The following EBF3 variants were observed in gnomAD, a reference collection of about 807,000 sequenced individuals.
The protein encoded by EBF3 is EBF transcription factor 3.
In EBF3, 18 loss-of-function variants were observed where a neutral mutation model predicts 77.1. The observed-to-expected ratio is 0.23, with a 90% CI of 0.16 to 0.35. EBF3 has a LOEUF of 0.35. EBF3 is among the 10% of genes least tolerant of loss of function. The pLI is 1.00. For missense variants in EBF3, 558 were observed against 860.0 expected, an observed-to-expected ratio of 0.65 and a Z score of 4.39; for synonymous variants, 350 against 343.5, an observed-to-expected ratio of 1.02 and a Z score of -0.21.
chr10:129,946,067 G>GT (rs1858196799), intron 6 of EBF3, among the ~76,000 whole-genome samples: 1 of 151,776 alleles, frequency 6.6e-6, no homozygotes, highest in African/African-American at 2.4e-5. Context: ...CACAGACAGG[G>GT]AGTAAGAGCA....
intron 14 of EBF3, 54 bp from the exon 15 acceptor site, chr10:129,840,496 G>A (rs979871925): frequency 1.2e-5 from 18 of 1,525,236 alleles, no homozygotes; most frequent in East Asian, 4.9e-5. Flanking sequence ...GCGCCACGGC[G>A]AGAGGGCACC....
At chr10:129,961,699 C>T (rs994197432) in intron 4 of EBF3, among the ~76,000 whole-genome samples, 1 of 152,020 alleles carries the variant, frequency 6.6e-6, no homozygotes, top group African/African-American at 2.4e-5. Context: ...ACACATTTAA[C>T]TTTTAAATCC....
chr10:129,909,860 G>A (rs747629205), intron 6 of EBF3, among the ~76,000 whole-genome samples: 6 of 152,304 alleles, frequency 3.9e-5, no homozygotes, highest in East Asian at 3.9e-4. Flanking sequence ...TGACCTCTGC[G>A]CTCTGGAAAC....
chr10:129,959,399 G>A (rs1383957351), intron 4 of EBF3, among the ~76,000 whole-genome samples: 1 of 152,088 alleles, frequency 6.6e-6, no homozygotes, highest in African/African-American at 2.4e-5. Flanking sequence ...CCGCGCCGCC[G>A]CCAGGCCGCG....
At position 129,885,973 on chromosome 10, in the gene EBF3, A is replaced by T. The variant is rs1005503992; in HGVS notation, c.555-8124T>A. ...GCTTCTTTCGCCATCCTGATTCCTG[A>T]TGGCTGGGGAGGTCATTCTCAAAAT... On this transcript the variant is annotated intron_variant, in intron 6 of 16. Coordinates refer to ENST00000440978, the MANE Select transcript of EBF3 (RefSeq NM_001375380.1). The surrounding 1 kb of genome is among the most constrained non-coding windows in gnomAD (Gnocchi z 4.0). 2.0e-5 allele frequency among the ~76,000 whole-genome samples: 3 copies of T among 150,348 alleles called. No homozygotes were observed. Among genetic ancestry groups the T allele is most frequent in the Non-Finnish European group, 4.4e-5 (3 of 67,726 alleles).
rs371633791 is a variant in EBF3, at chr10:129,846,817, T to C, written c.1128+1575A>G. On this transcript the variant is annotated intron_variant, in intron 11 of 16. Transcript: ENST00000440978. Reference sequence around the variant, plus strand: ...ACGTTTTCACCTGAATTAAAAGAGCTAAGTAATATGGGGCAGTGGGCTGTG... The same window carrying C: ...ACGTTTTCACCTGAATTAAAAGAGCCAAGTAATATGGGGCAGTGGGCTGTG... Among the ~76,000 whole-genome samples, 10 of 152,192 alleles carry C rather than the reference T, an allele frequency of 6.6e-5. No homozygotes were observed. In the East Asian group the frequency reaches 1.6e-3, roughly 24 times the overall value.
chr10:129,846,931 C>T (rs1318513472), intron 11 of EBF3, among the ~76,000 whole-genome samples: 1 of 152,104 alleles, frequency 6.6e-6, no homozygotes, highest in Non-Finnish European at 1.5e-5. Context: ...GAGGCAGAAG[C>T]CCTTCCCTGG....
intron 6 of EBF3, among the ~76,000 whole-genome samples, chr10:129,955,615 A>T (rs1858978255): frequency 6.6e-6 from 1 of 152,216 alleles, no homozygotes; most frequent in South Asian, 2.1e-4. Context: ...ACTGAGTATT[A>T]AAAGTTATTC....
intron 10 of EBF3, among the ~76,000 whole-genome samples, chr10:129,862,621 TTTTG>T (rs1564835340): frequency 6.6e-6 from 1 of 152,206 alleles, no homozygotes; most frequent in Non-Finnish European, 1.5e-5. Context: ...GCCTCAGTGC[TTTTG>T]TTTAATAGGA....
chr10:129,883,273 C>T lies in EBF3; in HGVS notation c.555-5424G>A, dbSNP rs950045891. On this transcript the variant is annotated intron_variant, in intron 6 of 16. Transcript: ENST00000440978. ...TGTGACTCCTAGGTGCGCGCCTACC[C>T]CCACGCAGGGTTAAGTGGCCACGCT... is the stretch of plus-strand genomic sequence containing the variant. Among the ~76,000 whole-genome samples, 8 of 152,294 alleles carry T rather than the reference C, an allele frequency of 5.3e-5. No individual in the cohort carries two copies. The East Asian group carries it at 1.5e-3, about 29-fold the overall frequency.
intron 6 of EBF3, among the ~76,000 whole-genome samples, chr10:129,939,070 A>G (rs946908889): frequency 6.6e-6 from 1 of 152,232 alleles, no homozygotes; most frequent in African/African-American, 2.4e-5. Context: ...CAAGTTCATT[A>G]CATTTCAGAA....
intron 6 of EBF3, among the ~76,000 whole-genome samples, chr10:129,915,815 A>G (rs1015443588): frequency 1.1e-4 from 17 of 152,234 alleles, no homozygotes; most frequent in Non-Finnish European, 1.2e-4. Flanking sequence ...TCTCAGCTGA[A>G]TGAAGATGAG....
intron 6 of EBF3, among the ~76,000 whole-genome samples, chr10:129,919,339 G>T (rs1856110097): frequency 6.6e-6 from 1 of 152,132 alleles, no homozygotes; most frequent in African/African-American, 2.4e-5. Flanking sequence ...GGCGGAGGCT[G>T]GGAGGGGTCT....
intron 10 of EBF3, among the ~76,000 whole-genome samples, chr10:129,850,940 C>G (rs1850833357): frequency 6.6e-6 from 1 of 152,218 alleles, no homozygotes; most frequent in Non-Finnish European, 1.5e-5. Flanking sequence ...ATCTCATGAG[C>G]CCTCCGCACG....
chr10:129,876,667 C>CTCTTGGG (rs879784547), intron 7 of EBF3, among the ~76,000 whole-genome samples: 2 of 152,216 alleles, frequency 1.3e-5, no homozygotes, highest in Non-Finnish European at 2.9e-5. Context: ...AATCATTCTG[C>CTCTTGGG]TCTTGGGTCA....
chr10:129,853,212 G>A (rs543223600), intron 10 of EBF3, among the ~76,000 whole-genome samples: 1 of 152,312 alleles, frequency 6.6e-6, no homozygotes, highest in African/African-American at 2.4e-5. Flanking sequence ...GAACTCGCAG[G>A]TAGGAAGTGA....
At chr10:129,843,369 C>G in intron 11 of EBF3, 167 bp from the exon 12 acceptor site, 1 of 616,666 alleles carries the variant, frequency 1.6e-6, no homozygotes. Flanking sequence ...AAGGCACGTG[C>G]GTGCTGACAA....
rs1852326901 is a variant in EBF3, at chr10:129,870,448, C to T, written c.782-2536G>A. Among the ~76,000 whole-genome samples the T allele has an allele frequency of 1.3e-5, 2 of 152,026 alleles. No homozygotes were observed. Among genetic ancestry groups the T allele is most frequent in the South Asian group, 4.2e-4 (2 of 4,814 alleles). On this transcript the variant is annotated intron_variant, in intron 8 of 16. Transcript: ENST00000440978. The surrounding 1 kb of genome is among the most constrained non-coding windows in gnomAD (Gnocchi z 4.4). ...GGCCTGGCCCTGTGATGGGAGGCAT[C>T]CCTGAAGACAGATCCTGGTCTGCAG...
At chr10:129,942,990 T>A (rs1857887662) in intron 6 of EBF3, among the ~76,000 whole-genome samples, 1 of 152,334 alleles carries the variant, frequency 6.6e-6, no homozygotes, top group Admixed American at 6.5e-5. Flanking sequence ...TGCACTTATG[T>A]ACTGCTTTCT....
Sources: gnomAD v4.1 joint callset for allele counts (sites outside exome capture counted in the v4.1 genomes callset) on GRCh38, gnomAD v4.1.1 for gene constraint, Gnocchi (gnomAD v3.1) non-coding constraint, MANE v1.5 for transcripts, NCBI Gene and HGNC (gene_info 2026-07-23, HGNC 2026-07-21) for gene names.